The following SIRPA variants were observed in gnomAD, a reference collection of about 807,000 sequenced individuals.
The protein encoded by SIRPA is tyrosine-protein phosphatase non-receptor type substrate 1.
In SIRPA, 9 loss-of-function variants were observed where a neutral mutation model predicts 50.3. The observed-to-expected ratio is 0.18, with a 90% CI of 0.11 to 0.31. The LOEUF (loss-of-function observed/expected upper bound fraction) is 0.31. Ranked by LOEUF, SIRPA falls within the 10% of genes least tolerant of loss-of-function variation. The pLI is 1.00. For synonymous variants in SIRPA, 265 were observed against 284.1 expected, an observed-to-expected ratio of 0.93 and a Z score of 0.68; for missense variants, 474 against 661.6, an observed-to-expected ratio of 0.72 and a Z score of 3.11.
In SIRPA at chr20:1,921,599, A is replaced by G; in HGVS notation, c.641A>G (p.Lys214Arg). Residue 214 changes from lysine (K) to arginine (R), a missense_variant, in exon 3 of 8, where the codon AAG (lysine) becomes AGG (arginine). Coordinates refer to ENST00000358771, the MANE Select transcript of SIRPA (RefSeq NM_001040023.2). Reference sequence around the variant, plus strand: ...TCCTACAGCATCCACAGCACAGCCAAGGTGGTGCTGACCCGCGAGGACGTT... The same window carrying G: ...TCCTACAGCATCCACAGCACAGCCAGGGTGGTGCTGACCCGCGAGGACGTT... ...SVSYSIHSTA[K>R]VVLTREDVHS... is the part of the protein sequence containing the mutation. 2 of 1,614,220 alleles carry G rather than the reference A, an allele frequency of 1.2e-6. No individual in the cohort carries two copies. Among genetic ancestry groups the G allele is most frequent in the Non-Finnish European group, 8.5e-7 (1 of 1,180,038 alleles).
intron 6 of SIRPA, among the ~76,000 whole-genome samples, chr20:1,931,377 T>G (rs1252950559): frequency 6.6e-6 from 1 of 152,200 alleles, no homozygotes; most frequent in Non-Finnish European, 1.5e-5. Flanking sequence ...GAATGATGAC[T>G]TCAGCCTCGA....
rs113435973 is a variant in SIRPA at position 1,920,456 on chromosome 20, G to T, written c.437-939G>T. On this transcript the variant is annotated intron_variant, in intron 2 of 7. Coordinates refer to ENST00000358771, the MANE Select transcript of SIRPA (RefSeq NM_001040023.2). ...CACGTTTACGACCCATCTGCAGGGAGAAACAGCCCGCGTTCTGATTCAGCC... is the reference window on the plus strand; with the variant it reads ...CACGTTTACGACCCATCTGCAGGGATAAACAGCCCGCGTTCTGATTCAGCC... 3.0e-4 allele frequency among the ~76,000 whole-genome samples: 46 copies of T among 152,338 alleles called. No homozygotes were observed. The Middle Eastern group carries it at 0.014, about 45-fold the overall frequency.
intron 1 of SIRPA, among the ~76,000 whole-genome samples, chr20:1,911,515 TGTAATTCCACATAGGGGATAGGCC>T (rs1984885282): frequency 6.6e-6 from 1 of 152,234 alleles, no homozygotes; most frequent in East Asian, 1.9e-4. Context: ...TACGGCTGCC[TGTAATTCCACATAGGGGATAGGCC>T]GTAATTCACT....
Position 1,937,773 on chromosome 20 carries a change from T to C in SIRPA, c.*205T>C, listed in dbSNP as rs1986676825. The C allele has an allele frequency of 4.7e-6, 3 of 643,422 alleles. No individual in the cohort carries two copies. The highest frequency in any genetic ancestry group is 5.6e-5 in the East Asian group (2 of 35,836). 39.9% of individuals were successfully genotyped at this position (643,422 alleles called of 1,614,324 possible). On this transcript the variant is annotated 3_prime_UTR_variant, in exon 8 of 8. Transcript: ENST00000358771. The surrounding 1 kb of genome is among the most constrained non-coding windows in gnomAD (Gnocchi z 8.3). Reference sequence around the variant, plus strand: ...GCAGCCACGGCCCCCTCCCCCCACATTGCCACATACCTGGAGGCTGACGTT... The same window carrying C: ...GCAGCCACGGCCCCCTCCCCCCACACTGCCACATACCTGGAGGCTGACGTT...
intron 1 of SIRPA, among the ~76,000 whole-genome samples, chr20:1,902,548 C>T (rs766170103): frequency 6.6e-6 from 1 of 152,176 alleles, no homozygotes; most frequent in African/African-American, 2.4e-5. Flanking sequence ...GTGAACAAGA[C>T]AGACAAAAAC....
intron 1 of SIRPA, among the ~76,000 whole-genome samples, chr20:1,904,620 G>A (rs371118321): frequency 1.1e-4 from 16 of 152,220 alleles, no homozygotes; most frequent in East Asian, 7.7e-4. Context: ...TCTGGGCAGC[G>A]TCGATGCTTA....
intron 1 of SIRPA, 53 bp downstream of exon 1, chr20:1,895,579 C>T (rs1391029646): frequency 2.3e-6 from 3 of 1,308,910 alleles, no homozygotes; most frequent in Non-Finnish European, 3.0e-6. Context: ...CGGGCTCAGG[C>T]CTCTCAGACT....
In SIRPA at chr20:1,928,889, T is replaced by G. The variant is rs780442860; in HGVS notation, c.1226+990T>G. 2.6e-5 allele frequency among the ~76,000 whole-genome samples: 4 copies of G among 152,176 alleles called. No individual in the cohort carries two copies. Among genetic ancestry groups the G allele is most frequent in the Non-Finnish European group, 5.9e-5 (4 of 68,028 alleles). Reference sequence around the variant, plus strand: ...CTGTGAAAAGCCTTTATCGGCTTTTTGGAAGGCCTCTGATCTTCATCCCCA... The same window carrying G: ...CTGTGAAAAGCCTTTATCGGCTTTTGGGAAGGCCTCTGATCTTCATCCCCA... On this transcript the variant is annotated intron_variant, in intron 6 of 7. Transcript: ENST00000358771. The surrounding 1 kb of genome is among the most constrained non-coding windows in gnomAD (Gnocchi z 4.9).
rs1177898369 is a variant in SIRPA at position 1,921,567 on chromosome 20, G to C, written c.609G>C (p.Glu203Asp). Residue 203 changes from glutamate (E) to aspartate (D), a missense_variant, in exon 3 of 8, where the codon GAG becomes GAC. Glu to Asp is a conservative substitution (Grantham distance 45). Transcript: ENST00000358771. ...AGACCAACGTGGACCCCGTAGGAGAGAGCGTGTCCTACAGCATCCACAGCA... is the reference window on the plus strand; with the variant it reads ...AGACCAACGTGGACCCCGTAGGAGACAGCGTGTCCTACAGCATCCACAGCA... The part of the protein sequence containing the change: ...DFQTNVDPVG[E>D]SVSYSIHSTA... 1.2e-6 allele frequency: 2 copies of C among 1,614,234 alleles called. No individual in the cohort carries two copies. Among genetic ancestry groups the C allele is most frequent in the Non-Finnish European group, 8.5e-7 (1 of 1,180,042 alleles).
chr20:1,923,369 T>C (rs994740519), intron 4 of SIRPA, among the ~76,000 whole-genome samples: 21 of 152,396 alleles, frequency 1.4e-4, no homozygotes, highest in Admixed American at 1.2e-3. Flanking sequence ...TCAATGTGGC[T>C]GATGCCCTGT....
chr20:1,914,531 C>T (rs111613403), intron 1 of SIRPA, among the ~76,000 whole-genome samples: 60,913 of 150,296 alleles, frequency 0.41, 12,678 homozygotes, highest in East Asian at 0.66. Context: ...CAGGTGGGGA[C>T]TCAAACACAC....
upstream of SIRPA, among the ~76,000 whole-genome samples, chr20:1,894,958 G>A (rs1289067255): frequency 6.8e-5 from 10 of 147,310 alleles, no homozygotes; most frequent in Non-Finnish European, 3.0e-5. The surrounding 1 kb of genome is among the most constrained non-coding windows in gnomAD (Gnocchi z 4.0). Context: ...TGGAGCCCGG[G>A]CGGGGCAGGT....
chr20:1,928,012 C>A lies in SIRPA; in HGVS notation c.1226+113C>A. 3.4e-6 allele frequency: 3 copies of A among 892,174 alleles called. No individual in the cohort carries two copies. The highest frequency in any genetic ancestry group is 5.7e-6 in the Non-Finnish European group (3 of 525,148). 55.3% of individuals were successfully genotyped at this position (892,174 alleles called of 1,614,324 possible). ...CTGACCTCACCAATGTGTTGGTCAACATGTCTCTTTCTCTCCTTTGTAACC... is the reference window on the plus strand; with the variant it reads ...CTGACCTCACCAATGTGTTGGTCAAAATGTCTCTTTCTCTCCTTTGTAACC... On this transcript the variant is annotated intron_variant, in intron 6 of 7. Coordinates refer to ENST00000358771, the MANE Select transcript of SIRPA (RefSeq NM_001040023.2). The surrounding 1 kb of genome is among the most constrained non-coding windows in gnomAD (Gnocchi z 4.9).
chr20:1,906,196 G>A (rs1417389109), intron 1 of SIRPA, among the ~76,000 whole-genome samples: 1 of 152,124 alleles, frequency 6.6e-6, no homozygotes, highest in African/African-American at 2.4e-5. Context: ...TCCAGAGTGG[G>A]CGAGACATTC....
chr20:1,906,631 A>G (rs1984565976), intron 1 of SIRPA, among the ~76,000 whole-genome samples: 1 of 152,044 alleles, frequency 6.6e-6, no homozygotes, highest in Non-Finnish European at 1.5e-5. Flanking sequence ...GGGCCACTGT[A>G]AAAATTCTGG....
rs751263972 is a variant in SIRPA, at chr20:1,922,618, A to G, written c.1060A>G (p.Lys354Glu). 5 of 1,613,120 alleles carry G rather than the reference A, an allele frequency of 3.1e-6. No homozygotes were observed. The change falls in exon 4 of 8, where the codon AAG (lysine) becomes GAG (glutamate). Residue 354 changes from lysine to glutamate, a missense_variant. Physicochemically the swap from Lys to Glu is moderately conservative, Grantham distance 56. Around this residue, in one of 4 missense-constraint regions of SIRPA, gnomAD observed 180 missense variants for 206.7 expected, o/e 0.87. Transcript: ENST00000358771. ...TGACCTGAAGGTCTCAGCCCACCCG[A>G]AGGAGCAGGGCTCAAATACCGCCGC... ...SHDLKVSAHP[K>E]EQGSNTAAEN...
intron 1 of SIRPA, among the ~76,000 whole-genome samples, chr20:1,901,163 C>CT (rs869181595): frequency 0.038 from 2,970 of 78,868 alleles, 124 homozygotes; most frequent in Non-Finnish European, 0.041. Context: ...TTCTTTCTTT[C>CT]TTTTTTTTTT....
rs1056585675 is a variant in SIRPA at position 1,924,431 on chromosome 20, G to A, written c.1088-333G>A. Among the ~76,000 whole-genome samples, 1 of 152,162 alleles carries A rather than the reference G, an allele frequency of 6.6e-6. No homozygotes were observed. Among genetic ancestry groups the A allele is most frequent in the South Asian group, 2.1e-4 (1 of 4,836 alleles). ...GTGGATCTGGGGTGCCCTCATGACC[G>A]CTCTGTGGTTCACTCCAGATGAGAA... On this transcript the variant is annotated intron_variant, in intron 4 of 7. Transcript: ENST00000358771. The surrounding 1 kb of genome is among the most constrained non-coding windows in gnomAD (Gnocchi z 4.5).
At chr20:1,904,238 G>A (rs1368832865) in intron 1 of SIRPA, among the ~76,000 whole-genome samples, 1 of 152,224 alleles carries the variant, frequency 6.6e-6, no homozygotes, top group African/African-American at 2.4e-5. Flanking sequence ...GGAGGAGGCG[G>A]CCAAGAAACC....
Sources: gnomAD v4.1 joint callset for allele counts (sites outside exome capture counted in the v4.1 genomes callset) on GRCh38, gnomAD v4.1.1 for gene constraint, gnomAD v4.1.1 regional missense constraint, Gnocchi (gnomAD v3.1) non-coding constraint, MANE v1.5 for transcripts, NCBI Gene and HGNC (gene_info 2026-07-23, HGNC 2026-07-21) for gene names.